The following CNTNAP2 variants were observed in gnomAD, a reference collection of about 807,000 sequenced individuals.
CNTNAP2 encodes the protein contactin-associated protein-like 2.
Under a neutral mutation model 155.2 loss-of-function variants are expected in CNTNAP2, and 98 were observed. That is an observed-to-expected ratio of 0.63 (90% CI 0.54 to 0.75). The LOEUF is 0.75. CNTNAP2 is among the 30% of genes least tolerant of loss of function. The pLI, the probability that CNTNAP2 is intolerant of heterozygous loss-of-function variation, is 0.00. For missense variants in CNTNAP2, 1,727 were observed against 1,688.1 expected (o/e 1.02, Z -0.40); for synonymous variants, 651 against 631.2 (o/e 1.03, Z -0.47).
At chr7:147,812,505 T>TAA (rs111453178) in intron 13 of CNTNAP2, among the ~76,000 whole-genome samples, 2 of 137,956 alleles carry the variant, frequency 1.4e-5, no homozygotes, top group African/African-American at 5.3e-5. Context: ...ATTTAAAAAG[T>TAA]AAAAAAAAAA....
At chr7:146,348,133 C>G (rs116207779) in intron 1 of CNTNAP2, among the ~76,000 whole-genome samples, 2 of 152,096 alleles carry the variant, frequency 1.3e-5, no homozygotes, top group Non-Finnish European at 1.5e-5. Flanking sequence ...AAATACGAAG[C>G]CACAGGCTGG....
intron 10 of CNTNAP2, among the ~76,000 whole-genome samples, chr7:147,464,964 A>C (rs376257997): frequency 7.9e-5 from 12 of 152,350 alleles, no homozygotes; most frequent in East Asian, 7.7e-4. Flanking sequence ...ACACCATGAA[A>C]AACTATGCAG....
chr7:147,747,788 T>C (rs1449815570), intron 13 of CNTNAP2, among the ~76,000 whole-genome samples: 1 of 152,232 alleles, frequency 6.6e-6, no homozygotes, highest in Non-Finnish European at 1.5e-5. Flanking sequence ...TCTTGTGTGA[T>C]TGACAACTTA....
intron 2 of CNTNAP2, among the ~76,000 whole-genome samples, chr7:146,830,013 T>C (rs950653617): frequency 6.6e-6 from 1 of 152,094 alleles, no homozygotes; most frequent in Non-Finnish European, 1.5e-5. Context: ...TGTTTATACA[T>C]TAACAAAAAT....
At chr7:147,253,357 C>T (rs1051426350) in intron 8 of CNTNAP2, among the ~76,000 whole-genome samples, 2 of 150,632 alleles carry the variant, frequency 1.3e-5, no homozygotes, top group Admixed American at 1.3e-4. Context: ...GGAGCCAATC[C>T]TGCTGATTAG....
intron 1 of CNTNAP2, among the ~76,000 whole-genome samples, chr7:146,130,450 G>C (rs919328634): frequency 6.6e-6 from 1 of 152,312 alleles, no homozygotes; most frequent in Non-Finnish European, 1.5e-5. Flanking sequence ...AGCCAGCTGA[G>C]ACAAGAGTGA....
At chr7:147,461,140 A>G (rs1798015995) in intron 10 of CNTNAP2, among the ~76,000 whole-genome samples, 1 of 152,230 alleles carries the variant, frequency 6.6e-6, no homozygotes, top group Non-Finnish European at 1.5e-5. Flanking sequence ...AAACATTTAT[A>G]AGTGAGGCCT....
intron 8 of CNTNAP2, among the ~76,000 whole-genome samples, chr7:147,262,723 A>G (rs370353352): frequency 4.6e-5 from 7 of 152,056 alleles, no homozygotes; most frequent in Admixed American, 1.3e-4. Context: ...GGAGAATGGC[A>G]TGAACCCGGG....
intron 1 of CNTNAP2, among the ~76,000 whole-genome samples, chr7:146,702,267 T>C (rs578026623): frequency 3.9e-4 from 59 of 152,276 alleles, no homozygotes; most frequent in African/African-American, 1.4e-3. Context: ...TAAACGGGTA[T>C]AGAATTGTGA....
intron 1 of CNTNAP2, among the ~76,000 whole-genome samples, chr7:146,459,301 T>C (rs1691828448): frequency 6.6e-6 from 1 of 152,014 alleles, no homozygotes; most frequent in Non-Finnish European, 1.5e-5. Flanking sequence ...TGCGTGTGCA[T>C]TTTAAGAATA....
chr7:146,950,169 A>C lies in CNTNAP2; in HGVS notation c.403-93738A>C, dbSNP rs146568454. 3.3e-3 allele frequency among the ~76,000 whole-genome samples: 509 copies of C among 152,282 alleles called. 7 individuals are homozygous for C. Among genetic ancestry groups the C allele is most frequent in the African/African-American group, 0.012 (488 of 41,558 alleles). On this transcript the variant is annotated intron_variant, in intron 3 of 23. Coordinates refer to ENST00000361727, the MANE Select transcript of CNTNAP2 (RefSeq NM_014141.6). ...TGTGCATCTAACAACTTTCTGAAAT[A>C]ATTATATTATCTGAAAGTACATGTA...
chr7:147,467,328 C>A (rs1798138189), intron 10 of CNTNAP2, among the ~76,000 whole-genome samples: 1 of 152,140 alleles, frequency 6.6e-6, no homozygotes, highest in Admixed American at 6.5e-5. Flanking sequence ...GAAGAATAAA[C>A]CTTAAAATAA....
intron 1 of CNTNAP2, among the ~76,000 whole-genome samples, chr7:146,189,054 T>A (rs972443013): frequency 3.9e-5 from 6 of 152,166 alleles, no homozygotes; most frequent in African/African-American, 1.2e-4. Context: ...CTACTTTTAA[T>A]CACAATACTC....
intron 4 of CNTNAP2, among the ~76,000 whole-genome samples, chr7:147,063,691 TA>T (rs1269920668): frequency 6.6e-6 from 1 of 152,044 alleles, no homozygotes; most frequent in Non-Finnish European, 1.5e-5. Flanking sequence ...CAAAATGACT[TA>T]AAAACAGTTA....
At chr7:148,397,658 A>T (rs1335826496) in intron 22 of CNTNAP2, among the ~76,000 whole-genome samples, 1 of 152,320 alleles carries the variant, frequency 6.6e-6, no homozygotes, top group East Asian at 1.9e-4. Context: ...GAGCCAATTA[A>T]ATATTTTTTC....
Position 147,595,113 on chromosome 7 carries a change from TGTTTTCAGGGAACTAAGATA to T in CNTNAP2, c.1897+32858_1897+32877del, listed in dbSNP as rs1257215482. ...AGGCAGAATGCAGAGATACCCAGAT[TGTTTTCAGGGAACTAAGATA>T]GGGAGACACATAAGGATCATCTCCT... is the stretch of plus-strand genomic sequence containing the variant. On this transcript the variant is annotated intron_variant, in intron 12 of 23. Coordinates refer to ENST00000361727, the MANE Select transcript of CNTNAP2 (RefSeq NM_014141.6). Among the ~76,000 whole-genome samples, 4 of 152,248 alleles carry T rather than the reference TGTTTTCAGGGAACTAAGATA, an allele frequency of 2.6e-5. No homozygotes were observed. In the East Asian group the frequency reaches 7.7e-4, roughly 29 times the overall value.
chr7:146,424,004 T>A (rs548253570), intron 1 of CNTNAP2, among the ~76,000 whole-genome samples: 17 of 152,316 alleles, frequency 1.1e-4, no homozygotes, highest in Admixed American at 3.9e-4. Context: ...TTAAATGAGA[T>A]AATATGTCTG....
chr7:146,876,300 C>T (rs574175862), intron 3 of CNTNAP2, among the ~76,000 whole-genome samples: 1 of 152,022 alleles, frequency 6.6e-6, no homozygotes, highest in East Asian at 1.9e-4. Flanking sequence ...GCTGCCAAGT[C>T]CCCCAGGGCA....
intron 22 of CNTNAP2, among the ~76,000 whole-genome samples, chr7:148,402,382 C>A (rs867582105): frequency 7.9e-5 from 12 of 152,212 alleles, no homozygotes; most frequent in Middle Eastern, 6.8e-3. Context: ...AGGATCATGT[C>A]AGTACATGCC....
Sources: gnomAD v4.1 joint callset for allele counts (sites outside exome capture counted in the v4.1 genomes callset) on GRCh38, gnomAD v4.1.1 for gene constraint, MANE v1.5 for transcripts, NCBI Gene and HGNC (gene_info 2026-07-23, HGNC 2026-07-21) for gene names.